ARID3A: variants seen among roughly 807,000 people sequenced by gnomAD.
The protein encoded by ARID3A is AT-rich interaction domain 3A.
Under a neutral mutation model 52.7 loss-of-function variants are expected in ARID3A, and 11 were observed. That is an observed-to-expected ratio of 0.21 (90% confidence interval 0.13 to 0.35). The LOEUF (loss-of-function observed/expected upper bound fraction) is 0.35, where lower values mean the gene tolerates loss of function less well. ARID3A is among the 10% of genes least tolerant of loss of function. ARID3A has a pLI of 1.00. For synonymous variants in ARID3A, 404 were observed against 359.4 expected (o/e 1.12, Z -1.40); for missense variants, 721 against 838.5 (o/e 0.86, Z 1.73).
chr19:974,801 G>A lies in ARID3A; in HGVS notation c.*2736G>A. ...GCGATCCGGCCTCCCGGCGGTGGGT[G>A]GACCTGGATTCTAACTCAGAGGACT... is the stretch of plus-strand genomic sequence containing the variant. On this transcript the variant is annotated 3_prime_UTR_variant, in exon 9 of 9. Coordinates refer to ENST00000263620, the MANE Select transcript of ARID3A (RefSeq NM_005224.3). 4.7e-6 allele frequency: 1 copy of A among 214,332 alleles called. No homozygotes were observed. Among genetic ancestry groups the A allele is most frequent in the African/African-American group, 2.3e-5 (1 of 44,224 alleles). 13.3% of individuals were successfully genotyped at this position (214,332 alleles called of 1,614,324 possible).
chr19:958,439 A>G (rs1199303337), intron 3 of ARID3A, among the ~76,000 whole-genome samples: 1 of 151,636 alleles, frequency 6.6e-6, no homozygotes, highest in African/African-American at 2.4e-5. Flanking sequence ...AAAAAAAAAA[A>G]AAAAAAGAAG....
rs1377434111 is a variant in ARID3A at position 929,997 on chromosome 19, C to T, written c.368+101C>T. 2.1e-6 allele frequency: 3 copies of T among 1,459,812 alleles called. No homozygotes were observed. Among genetic ancestry groups the T allele is most frequent in the Middle Eastern group, 1.9e-4 (1 of 5,378 alleles). The allele number at this position is 1,459,812 out of a possible 1,614,324, so 90.4% of individuals were successfully genotyped here. On this transcript the variant is annotated intron_variant, in intron 2 of 8. Transcript: ENST00000263620. The surrounding 1 kb of genome is among the most constrained non-coding windows in gnomAD (Gnocchi z 6.2). The stretch of plus-strand genomic sequence containing the variant: ...GGGAGTAAGGGTCAGGTCGCGGGAT[C>T]TCCTTCCTGTAATTCCAGCAGTTTG...
chr19:942,956 C>T lies in ARID3A; in HGVS notation c.693+10214C>T, dbSNP rs112181941. ...AGTTTCAGTGAGGTCCTGCAGCGTA[C>T]GGTGGCCCCAAATCCCATGCCGGTC... is the stretch of plus-strand genomic sequence containing the variant. On this transcript the variant is annotated intron_variant, in intron 3 of 8. Coordinates refer to ENST00000263620, the MANE Select transcript of ARID3A (RefSeq NM_005224.3). This position sits in a 1 kb window ranked among gnomAD's most constrained non-coding sequence, Gnocchi z 8.1. Among the ~76,000 whole-genome samples the T allele has an allele frequency of 4.5e-4, 68 of 152,288 alleles. No homozygotes were observed. Among genetic ancestry groups the T allele is most frequent in the African/African-American group, 1.3e-3 (56 of 41,576 alleles).
rs2037565481 is a variant in ARID3A at position 941,976 on chromosome 19, G to T, written c.693+9234G>T. 6.6e-6 allele frequency among the ~76,000 whole-genome samples: 1 copy of T among 152,204 alleles called. No individual in the cohort carries two copies. Among genetic ancestry groups the T allele is most frequent in the African/African-American group, 2.4e-5 (1 of 41,442 alleles). ...CTCGTGCTGGACCCTGAAGCATGAG[G>T]TCGCGGTGGGGCCTATTAACCATTA... On this transcript the variant is annotated intron_variant, in intron 3 of 8. Coordinates refer to ENST00000263620, the MANE Select transcript of ARID3A (RefSeq NM_005224.3). The surrounding 1 kb of genome is among the most constrained non-coding windows in gnomAD (Gnocchi z 6.9).
intron 8 of ARID3A, among the ~76,000 whole-genome samples, chr19:970,418 G>T (rs1045162638): frequency 1.3e-5 from 2 of 151,882 alleles, no homozygotes; most frequent in African/African-American, 4.8e-5. Flanking sequence ...AGGCTAAGGA[G>T]AGAGGTTTGC....
rs955504088 is a variant in ARID3A at position 960,587 on chromosome 19, C to T, written c.766+423C>T. The stretch of plus-strand genomic sequence containing the variant: ...CAGGTGCGGCAGGACAGAAGCCCCC[C>T]GCCCGGCCGCGAGATGGCTTAGAGT... On this transcript the variant is annotated intron_variant, in intron 4 of 8. Coordinates refer to ENST00000263620, the MANE Select transcript of ARID3A (RefSeq NM_005224.3). This position sits in a 1 kb window ranked among gnomAD's most constrained non-coding sequence, Gnocchi z 4.3. Among the ~76,000 whole-genome samples, 4 of 152,036 alleles carry T rather than the reference C, an allele frequency of 2.6e-5. No individual in the cohort carries two copies. The highest frequency in any genetic ancestry group is 7.3e-5 in the African/African-American group (3 of 41,378).
At chr19:957,731 C>G (rs2037951574) in intron 3 of ARID3A, among the ~76,000 whole-genome samples, 1 of 152,170 alleles carries the variant, frequency 6.6e-6, no homozygotes, top group South Asian at 2.1e-4. Flanking sequence ...GTGGTCCCAG[C>G]CACTTGGGCA....
chr19:927,048 C>G (rs936497645), intron 1 of ARID3A, among the ~76,000 whole-genome samples: 1 of 152,132 alleles, frequency 6.6e-6, no homozygotes, highest in East Asian at 1.9e-4. Flanking sequence ...CCCCGCCCCT[C>G]CCCCTCCTCT....
intron 3 of ARID3A, among the ~76,000 whole-genome samples, chr19:945,606 C>A (rs1054012375): frequency 6.6e-6 from 1 of 152,176 alleles, no homozygotes; most frequent in African/African-American, 2.4e-5. Context: ...GCCAGGTGTA[C>A]CCCAAGGGAC....
intron 2 of ARID3A, among the ~76,000 whole-genome samples, chr19:930,923 C>T (rs1296339155): frequency 6.6e-6 from 1 of 152,122 alleles, no homozygotes; most frequent in African/African-American, 2.4e-5. Context: ...GCGTGTGGGT[C>T]CCCCCAGGGC....
At position 964,061 on chromosome 19, in the gene ARID3A, C is replaced by T. The variant is rs1435121046; in HGVS notation, c.767-187C>T. Among the ~76,000 whole-genome samples the T allele has an allele frequency of 6.6e-6, 1 of 152,212 alleles. No homozygotes were observed. On this transcript the variant is annotated intron_variant, in intron 4 of 8. Transcript: ENST00000263620. The surrounding 1 kb of genome is among the most constrained non-coding windows in gnomAD (Gnocchi z 5.7). The stretch of plus-strand genomic sequence containing the variant: ...CAGAGCTGCCCCCTCTGCACCCTCT[C>T]GAGCAGAGGTTCCCAGCCTGGATGA...
At chr19:968,570 G>A in intron 8 of ARID3A, 67 bp downstream of exon 8, 1 of 1,488,034 alleles carries the variant, frequency 6.7e-7, no homozygotes, top group Non-Finnish European at 9.3e-7. Flanking sequence ...TCAGGACCCT[G>A]AGTTGCGCCT....
At chr19:969,668 T>A (rs925268917) in intron 8 of ARID3A, among the ~76,000 whole-genome samples, 1 of 5,430 alleles carries the variant, frequency 1.8e-4, no homozygotes. Context: ...TATATCTACA[T>A]AGATATATAT....
chr19:974,958 C>T lies in ARID3A; in HGVS notation c.*2893C>T, dbSNP rs188441554. 4.5e-3 allele frequency: 1,029 copies of T among 230,620 alleles called. 11 individuals are homozygous for T. Among genetic ancestry groups the T allele is most frequent in the African/African-American group, 0.018 (797 of 45,248 alleles). The allele number at this position is 230,620 out of a possible 1,614,324, so 14.3% of individuals were successfully genotyped here. On this transcript the variant is annotated 3_prime_UTR_variant, in exon 9 of 9. Transcript: ENST00000263620. ...CCATGCTGGCCGTGGAAATGGGAGG[C>T]GGTTGCAGAGGGTCTATGGGGCCCG... is the stretch of plus-strand genomic sequence containing the variant.
rs553867466 is a variant in ARID3A, at chr19:960,909, C to T, written c.766+745C>T. ...GGTCCAGACACAAGACAGACTCAGA[C>T]GACCAAGGGTAGCCGGGGTGTCCCA... On this transcript the variant is annotated intron_variant, in intron 4 of 8. Transcript: ENST00000263620. This position sits in a 1 kb window ranked among gnomAD's most constrained non-coding sequence, Gnocchi z 4.3. Among the ~76,000 whole-genome samples the T allele has an allele frequency of 2.4e-4, 37 of 152,298 alleles. No individual in the cohort carries two copies. The highest frequency in any genetic ancestry group is 3.4e-3 in the Middle Eastern group (1 of 294).
chr19:948,431 C>T (rs972600720), intron 3 of ARID3A, among the ~76,000 whole-genome samples: 29 of 152,146 alleles, frequency 1.9e-4, no homozygotes, highest in African/African-American at 6.5e-4. Flanking sequence ...CTCCCGGGGC[C>T]GCGGTCCTGC....
At chr19:966,165 CA>C (rs558429852) in intron 6 of ARID3A, among the ~76,000 whole-genome samples, 245 of 116,136 alleles carry the variant, frequency 2.1e-3, no homozygotes, top group Admixed American at 2.6e-3. Flanking sequence ...TGTCTCAAAG[CA>C]AAAAAAAAAA....
rs1057453821 is a variant in ARID3A at position 959,337 on chromosome 19, G to A, written c.694-755G>A. Among the ~76,000 whole-genome samples the A allele has an allele frequency of 1.3e-5, 2 of 152,110 alleles. No homozygotes were observed. The highest frequency in any genetic ancestry group is 2.4e-5 in the African/African-American group (1 of 41,416). On this transcript the variant is annotated intron_variant, in intron 3 of 8. Coordinates refer to ENST00000263620, the MANE Select transcript of ARID3A (RefSeq NM_005224.3). The surrounding 1 kb of genome is among the most constrained non-coding windows in gnomAD (Gnocchi z 5.0). The stretch of plus-strand genomic sequence containing the variant: ...CGCCCAGGCTGGAGTGCAGTGGTGC[G>A]GTCTCGGCTCACTTCAGCCTCCACT...
chr19:961,151 C>T (rs2038032897), intron 4 of ARID3A, among the ~76,000 whole-genome samples: 1 of 152,166 alleles, frequency 6.6e-6, no homozygotes, highest in Non-Finnish European at 1.5e-5. Flanking sequence ...GGCCTTGGGG[C>T]CCACAGAGGT....
Sources: allele counts gnomAD v4.1 joint callset (sites outside exome capture counted in the v4.1 genomes callset), GRCh38; gene constraint gnomAD v4.1.1; non-coding constraint Gnocchi (gnomAD v3.1); transcripts MANE v1.5; gene names NCBI Gene and HGNC (gene_info 2026-07-23, HGNC 2026-07-21).